The following TK2 variants were observed in gnomAD, a reference collection of about 807,000 sequenced individuals.
The protein encoded by TK2 is thymidine kinase 2, mitochondrial.
TK2 carries 35 observed loss-of-function variants against 41.9 expected under a neutral mutation model. That is an observed-to-expected ratio of 0.84 (90% CI 0.64 to 1.11). The LOEUF (loss-of-function observed/expected upper bound fraction) is 1.11, where lower values mean the gene tolerates loss of function less well. TK2 is among the 50% of genes least tolerant of loss of function. TK2 has a pLI of 0.00. For synonymous variants in TK2, 128 were observed against 129.1 expected, an observed-to-expected ratio of 0.99 and a Z score of 0.06; for missense variants, 320 against 351.1, an observed-to-expected ratio of 0.91 and a Z score of 0.71.
rs1964419726 is a variant in TK2, at chr16:66,510,455, A to G, written c.*1513T>C. 6.6e-6 allele frequency: 1 copy of G among 152,264 alleles called. No individual in the cohort carries two copies. The highest frequency in any genetic ancestry group is 1.5e-5 in the Non-Finnish European group (1 of 68,072). The allele number at this position is 152,264 out of a possible 1,614,324, so 9.4% of individuals were successfully genotyped here. On this transcript the variant is annotated 3_prime_UTR_variant, in exon 10 of 10. Coordinates refer to ENST00000544898, the MANE Select transcript of TK2 (RefSeq NM_004614.5). Reference sequence around the variant, plus strand: ...CTGCCTCTCATCCTGCCAATGGCACAAGAACTGGTCCAAACAGGAAGAACC... The same window carrying G: ...CTGCCTCTCATCCTGCCAATGGCACGAGAACTGGTCCAAACAGGAAGAACC...
rs888851777 is a variant in TK2 at position 66,549,650 on chromosome 16, G to A, written c.124+288C>T. ...CCCAAGGTCGAAAGAATCGGGACAG[G>A]AAATGGGTCGGGGGACCGAGTTTGG... On this transcript the variant is annotated intron_variant, in intron 1 of 9. Transcript: ENST00000544898. The A allele has an allele frequency of 5.8e-6, 7 of 1,203,122 alleles. No homozygotes were observed. The African/African-American group carries it at 6.3e-5, about 11-fold the overall frequency. The allele number at this position is 1,203,122 out of a possible 1,614,324, so 74.5% of individuals were successfully genotyped here.
chr16:66,514,879 C>T lies in TK2; in HGVS notation c.619-1068G>A, dbSNP rs1470299714. 6.6e-6 allele frequency among the ~76,000 whole-genome samples: 1 copy of T among 152,196 alleles called. No individual in the cohort carries two copies. The highest frequency in any genetic ancestry group is 1.5e-5 in the Non-Finnish European group (1 of 68,050). ...CTATAACCTTACCCCCAACCCCGTGCTCTCTGAAACGTGTGCTGTGTCCAC... is the reference window on the plus strand; with the variant it reads ...CTATAACCTTACCCCCAACCCCGTGTTCTCTGAAACGTGTGCTGTGTCCAC... On this transcript the variant is annotated intron_variant, in intron 8 of 9. Coordinates refer to ENST00000544898, the MANE Select transcript of TK2 (RefSeq NM_004614.5). The surrounding 1 kb of genome is among the most constrained non-coding windows in gnomAD (Gnocchi z 4.2).
intron 2 of TK2, 38 bp downstream of exon 2, chr16:66,548,940 A>G: frequency 6.2e-7 from 1 of 1,600,580 alleles, no homozygotes; most frequent in Non-Finnish European, 8.5e-7. Flanking sequence ...TCAAAAAACC[A>G]AATTATCCTA....
chr16:66,515,942 A>T (rs1413114215), intron 8 of TK2, among the ~76,000 whole-genome samples: 1 of 152,124 alleles, frequency 6.6e-6, no homozygotes, highest in African/African-American at 2.4e-5. Flanking sequence ...AGAGCCCCTG[A>T]CACCCCACTG....
At chr16:66,513,010 T>C (rs1964497572) in intron 9 of TK2, among the ~76,000 whole-genome samples, 1 of 152,186 alleles carries the variant, frequency 6.6e-6, no homozygotes, top group South Asian at 2.1e-4. Flanking sequence ...GTTGTATATG[T>C]AACCATCTTA....
intron 4 of TK2, among the ~76,000 whole-genome samples, chr16:66,535,493 G>A (rs139922784): frequency 5.3e-5 from 8 of 152,246 alleles, no homozygotes; most frequent in South Asian, 4.1e-4. Context: ...ATCTTCTCCC[G>A]AATGCACAGA....
intron 6 of TK2, among the ~76,000 whole-genome samples, chr16:66,528,086 T>A (rs535976231): frequency 6.6e-6 from 1 of 152,084 alleles, no homozygotes; most frequent in Non-Finnish European, 1.5e-5. Context: ...GAGCTTGCCC[T>A]ATCTAGACAG....
In TK2 at chr16:66,508,750, T is replaced by G. The variant is rs1032599030; in HGVS notation, c.*3218A>C. ...ATATATTCCCCAGGCGGGGGGACAC[T>G]TCTCATCTAGGTAAAGGGCTCCTAC... On this transcript the variant is annotated 3_prime_UTR_variant, in exon 10 of 10. Transcript: ENST00000544898. The G allele has an allele frequency of 2.6e-5, 4 of 152,254 alleles. No individual in the cohort carries two copies. The East Asian group carries it at 7.7e-4, about 29-fold the overall frequency. The allele number at this position is 152,254 out of a possible 1,614,324, so 9.4% of individuals were successfully genotyped here. A position where few individuals can be genotyped will look rare whatever the true frequency, so the allele number is the denominator to read the frequency against.
At chr16:66,523,421 C>T (rs1428787485) in intron 6 of TK2, among the ~76,000 whole-genome samples, 1 of 152,224 alleles carries the variant, frequency 6.6e-6, no homozygotes, top group African/African-American at 2.4e-5. Context: ...GGAACCAAGA[C>T]ACCTTATTCT....
At chr16:66,535,240 A>C (rs1003928449) in intron 4 of TK2, among the ~76,000 whole-genome samples, 5 of 152,232 alleles carry the variant, frequency 3.3e-5, no homozygotes, top group Admixed American at 6.5e-5. Flanking sequence ...AAACTTATAT[A>C]AAAATGGCTA....
chr16:66,539,202 C>T (rs1331360787), intron 3 of TK2, among the ~76,000 whole-genome samples: 1 of 152,030 alleles, frequency 6.6e-6, no homozygotes, highest in African/African-American at 2.4e-5. Context: ...GTCCCCAAGC[C>T]CCCCCTCCTC....
intron 8 of TK2, among the ~76,000 whole-genome samples, chr16:66,516,372 G>C (rs1487077566): frequency 6.6e-6 from 1 of 152,200 alleles, no homozygotes; most frequent in Non-Finnish European, 1.5e-5. Flanking sequence ...AGAAAGTAGG[G>C]AATGGAGGAT....
rs1013735074 is a variant in TK2, at chr16:66,537,142, T to C, written c.232-125A>G. 11 of 1,328,906 alleles carry C rather than the reference T, an allele frequency of 8.3e-6. No individual in the cohort carries two copies. In the African/African-American group the frequency reaches 1.4e-4, roughly 18 times the overall value. 82.3% of individuals were successfully genotyped at this position (1,328,906 alleles called of 1,614,324 possible). A position where few individuals can be genotyped will look rare whatever the true frequency, so the allele number is the denominator to read the frequency against. On this transcript the variant is annotated intron_variant, in intron 3 of 9. Coordinates refer to ENST00000544898, the MANE Select transcript of TK2 (RefSeq NM_004614.5). Reference sequence around the variant, plus strand: ...GAGAAAAAGACTATCCAAATTTGGGTGCCCAAGGTAGGCCAAAATAGCTGA... The same window carrying C: ...GAGAAAAAGACTATCCAAATTTGGGCGCCCAAGGTAGGCCAAAATAGCTGA...
rs1056200482 is a variant in TK2, at chr16:66,514,341, C to T, written c.619-530G>A. 6.6e-6 allele frequency among the ~76,000 whole-genome samples: 1 copy of T among 152,252 alleles called. No individual in the cohort carries two copies. The highest frequency in any genetic ancestry group is 1.5e-5 in the Non-Finnish European group (1 of 68,048). ...TCGCTGTGTTGGCCGGGCTGGTCTC[C>T]AGCTCCTAACCGCGAGTGATCCGCC... On this transcript the variant is annotated intron_variant, in intron 8 of 9. Coordinates refer to ENST00000544898, the MANE Select transcript of TK2 (RefSeq NM_004614.5). This position sits in a 1 kb window ranked among gnomAD's most constrained non-coding sequence, Gnocchi z 4.2.
rs1597071668 is a variant in TK2 at position 66,511,797 on chromosome 16, G to A, written c.*171C>T. On this transcript the variant is annotated 3_prime_UTR_variant, in exon 10 of 10. Transcript: ENST00000544898. ...TTGGTCCCGTTTGTCATTTACCCAC[G>A]AGGGCCAGAGACGCATGACAAAGAC... The A allele has an allele frequency of 1.0e-5, 7 of 677,884 alleles. No homozygotes were observed. The East Asian group carries it at 1.1e-4, about 11-fold the overall frequency. 42.0% of individuals were successfully genotyped at this position (677,884 alleles called of 1,614,324 possible).
chr16:66,518,125 T>C, intron 6 of TK2: 1 of 535,940 alleles, frequency 1.9e-6, no homozygotes, highest in Non-Finnish European at 3.4e-6. Context: ...GAGAATTCAC[T>C]TGGGATTGGA....
Position 66,508,677 on chromosome 16 carries a change from G to A in TK2, c.*3291C>T, listed in dbSNP as rs1036949161. The A allele has an allele frequency of 1.7e-4, 26 of 152,218 alleles. No individual in the cohort carries two copies. The highest frequency in any genetic ancestry group is 5.6e-4 in the African/African-American group (23 of 41,432). 9.4% of individuals were successfully genotyped at this position (152,218 alleles called of 1,614,324 possible). ...GCTCTGAGGTTTAAATGGCACCACC[G>A]TCACTCGGGTCTAATGGTGCATGTC... On this transcript the variant is annotated 3_prime_UTR_variant, in exon 10 of 10. Transcript: ENST00000544898.
At chr16:66,532,903 A>G (rs1251205258) in intron 4 of TK2, among the ~76,000 whole-genome samples, 1 of 152,152 alleles carries the variant, frequency 6.6e-6, no homozygotes, top group South Asian at 2.1e-4. Flanking sequence ...TGAAACCACA[A>G]AAGACCCCAA....
chr16:66,549,219 C>T (rs1180850663), intron 1 of TK2: 17 of 1,430,322 alleles, frequency 1.2e-5, no homozygotes, highest in South Asian at 4.3e-5. Flanking sequence ...TCGTGGACCC[C>T]CAGTGTGCTC....
Sources: gnomAD v4.1 joint callset for allele counts (sites outside exome capture counted in the v4.1 genomes callset) on GRCh38, gnomAD v4.1.1 for gene constraint, Gnocchi (gnomAD v3.1) non-coding constraint, MANE v1.5 for transcripts, NCBI Gene and HGNC (gene_info 2026-07-23, HGNC 2026-07-21) for gene names.